The following SEC24B variants were observed in gnomAD, a reference collection of about 807,000 sequenced individuals.
The protein encoded by SEC24B is protein transport protein Sec24B.
A neutral mutation model predicts 142.8 loss-of-function variants in SEC24B; 45 were observed. That is an observed-to-expected ratio of 0.32 (90% CI 0.25 to 0.40). The LOEUF (loss-of-function observed/expected upper bound fraction) is 0.40. Ranked by LOEUF, SEC24B falls within the 10% of genes least tolerant of loss-of-function variation. The probability of loss-of-function intolerance (pLI) is 1.00; values close to 1 mark genes in which losing one functional copy is unlikely to be tolerated. For synonymous variants in SEC24B, 574 were observed against 568.2 expected, an observed-to-expected ratio of 1.01 and a Z score of -0.15; for missense variants, 1,409 against 1,526.8, an observed-to-expected ratio of 0.92 and a Z score of 1.29.
chr4:109,433,875 G>T lies in SEC24B; in HGVS notation c.6G>T (p.Ser2=). 7.5e-7 allele frequency: 1 copy of T among 1,334,340 alleles called. No individual in the cohort carries two copies. 82.7% of individuals were successfully genotyped at this position (1,334,340 alleles called of 1,614,324 possible). Residue 2 remains serine, a synonymous_variant, in exon 1 of 24, where the codon TCG becomes TCT. Transcript: ENST00000265175. M[S]APAGSSHPAA... ...CCGTCGCCACCAGCGCCGTCATGTC[G>T]GCCCCCGCCGGGTCCTCTCACCCGG...
At chr4:109,537,845 C>G (rs567188948) in intron 22 of SEC24B, among the ~76,000 whole-genome samples, 1 of 152,128 alleles carries the variant, frequency 6.6e-6, no homozygotes, top group East Asian at 1.9e-4. Flanking sequence ...CCAAACTTGT[C>G]TATTTAAATT....
Position 109,532,709 on chromosome 4 carries a change from C to T in SEC24B, c.3461C>T (p.Thr1154Ile). 1 of 1,609,388 alleles carries T rather than the reference C, an allele frequency of 6.2e-7. No homozygotes were observed. The highest frequency in any genetic ancestry group is 1.3e-5 in the African/African-American group (1 of 74,952). ...PLQKLSAEKL[T>I]REGAFLMDCG... Reference sequence around the variant, plus strand: ...CAAAAATTGTCTGCAGAGAAGCTGACAAGAGAAGGTGCTTTCCTTATGGAC... The same window carrying T: ...CAAAAATTGTCTGCAGAGAAGCTGATAAGAGAAGGTGCTTTCCTTATGGAC... The change falls in exon 21 of 24, where the codon ACA becomes ATA. Residue 1154 changes from threonine to isoleucine, a missense_variant. Thr to Ile is a moderately conservative substitution (Grantham distance 89, BLOSUM62 -1). Transcript: ENST00000265175.
In SEC24B at chr4:109,517,555, A is replaced by G. The variant is rs1723074633; in HGVS notation, c.2126+915A>G. 2.0e-5 allele frequency among the ~76,000 whole-genome samples: 3 copies of G among 152,182 alleles called. 1 individual carries two copies. In the South Asian group the frequency reaches 6.2e-4, roughly 32 times the overall value. ...TGATGACTATAGTTAATAGCAATAT[A>G]TTGTATTCTTGGAGAAATGCTAAGA... is the stretch of plus-strand genomic sequence containing the variant. On this transcript the variant is annotated intron_variant, in intron 11 of 23. Transcript: ENST00000265175.
intron 6 of SEC24B, among the ~76,000 whole-genome samples, chr4:109,496,827 A>C (rs1268235946): frequency 2.0e-5 from 3 of 152,200 alleles, no homozygotes; most frequent in Non-Finnish European, 1.5e-5. Flanking sequence ...CATGTGAAAC[A>C]ATTTTTAAGT....
In SEC24B at chr4:109,531,363, AC is replaced by A. The variant is rs148761245; in HGVS notation, c.3253-21del. 1.6e-3 allele frequency: 2,586 copies of A among 1,582,676 alleles called. 49 individuals are homozygous for A. The African/African-American group carries it at 0.031, about 19-fold the overall frequency. ...CACCATATTTGTATTTTACTTGAAA[AC>A]GTTTATCTTTTTCCTTGTAGAAAGC... is the stretch of plus-strand genomic sequence containing the variant. On this transcript the variant is annotated intron_variant, in intron 19 of 23. Transcript: ENST00000265175.
At chr4:109,536,453 T>C (rs1718305932) in intron 22 of SEC24B, among the ~76,000 whole-genome samples, 1 of 152,232 alleles carries the variant, frequency 6.6e-6, no homozygotes, top group African/African-American at 2.4e-5. Flanking sequence ...TCAAAATAAC[T>C]TTCAAATGGA....
intron 1 of SEC24B, among the ~76,000 whole-genome samples, chr4:109,438,485 T>TA (rs892858860): frequency 5.6e-4 from 85 of 151,686 alleles, no homozygotes; most frequent in Non-Finnish European, 1.0e-3. Context: ...AGCTAACTTT[T>TA]AAAAAAAAAT....
intron 11 of SEC24B, 35 bp from the exon 12 acceptor site, chr4:109,520,331 C>A: frequency 8.5e-7 from 1 of 1,172,004 alleles, no homozygotes; most frequent in Non-Finnish European, 1.3e-6. Context: ...TGTTACTGAG[C>A]ACTCTGAATT....
Position 109,441,796 on chromosome 4 carries a change from A to G in SEC24B, c.133+7794A>G, listed in dbSNP as rs1050867006. On this transcript the variant is annotated intron_variant, in intron 1 of 23. Transcript: ENST00000265175. ...ATTGATGTTGTAGCAGGAATAATCT[A>G]TACTTAATGCAGTGAGATTTAATCC... Among the ~76,000 whole-genome samples the G allele has an allele frequency of 7.2e-5, 11 of 152,248 alleles. No homozygotes were observed. In the East Asian group the frequency reaches 9.6e-4, roughly 13 times the overall value.
intron 22 of SEC24B, among the ~76,000 whole-genome samples, chr4:109,535,437 T>G (rs770877780): frequency 2.0e-5 from 3 of 151,778 alleles, no homozygotes; most frequent in Non-Finnish European, 4.4e-5. Flanking sequence ...GTGCCAGTAG[T>G]CCCAGCTACT....
At chr4:109,477,140 T>TG (rs1733254755) in intron 3 of SEC24B, among the ~76,000 whole-genome samples, 1 of 55,882 alleles carries the variant, frequency 1.8e-5, no homozygotes, top group African/African-American at 4.5e-5. Flanking sequence ...CCGTCTCAAA[T>TG]AAAAAAAAAA....
chr4:109,532,618 A>G, intron 20 of SEC24B, 21 bp from the exon 21 acceptor site: 5 of 1,584,934 alleles, frequency 3.2e-6, no homozygotes, highest in Non-Finnish European at 3.5e-6. Flanking sequence ...TCTCATTCAC[A>G]TTCTCTCTTT....
intron 18 of SEC24B, among the ~76,000 whole-genome samples, chr4:109,528,563 G>C (rs965605178): frequency 6.6e-6 from 1 of 152,098 alleles, no homozygotes; most frequent in Non-Finnish European, 1.5e-5. Flanking sequence ...CAAGTATAGG[G>C]GGATAATTTT....
chr4:109,439,650 C>T (rs113604433), intron 1 of SEC24B, among the ~76,000 whole-genome samples: 51 of 149,828 alleles, frequency 3.4e-4, no homozygotes, highest in African/African-American at 1.2e-3. Flanking sequence ...TACAGGCATG[C>T]GCCACCATGC....
At chr4:109,521,335 A>T in intron 13 of SEC24B, 85 bp from the exon 14 acceptor site, 1 of 1,203,864 alleles carries the variant, frequency 8.3e-7, no homozygotes, top group Non-Finnish European at 1.2e-6. Context: ...AAATACAGTG[A>T]CACATGATAC....
At chr4:109,506,088 G>T (rs955251480) in intron 6 of SEC24B, among the ~76,000 whole-genome samples, 1 of 152,112 alleles carries the variant, frequency 6.6e-6, no homozygotes. Context: ...AATTGCTCAT[G>T]TTGAAAAGCA....
intron 2 of SEC24B, among the ~76,000 whole-genome samples, chr4:109,469,694 C>T (rs1274999990): frequency 3.9e-5 from 6 of 152,124 alleles, no homozygotes; most frequent in African/African-American, 1.4e-4. Context: ...AACTTTAAAA[C>T]TTCTCAGAGA....
chr4:109,482,740 G>A (rs1037828363), intron 4 of SEC24B, among the ~76,000 whole-genome samples: 23 of 149,274 alleles, frequency 1.5e-4, no homozygotes, highest in African/African-American at 5.7e-4. Context: ...CCAGGCTCAA[G>A]CCATCCTCCT....
intron 15 of SEC24B, 98 bp from the exon 16 acceptor site, chr4:109,525,248 T>C (rs2126081294): frequency 9.6e-7 from 1 of 1,042,036 alleles, no homozygotes; most frequent in African/African-American, 1.6e-5. Flanking sequence ...GGTTTTCTCA[T>C]GACTTAGATT....
Sources: allele counts gnomAD v4.1 joint callset (sites outside exome capture counted in the v4.1 genomes callset), GRCh38; gene constraint gnomAD v4.1.1; transcripts MANE v1.5; gene names NCBI Gene and HGNC (gene_info 2026-07-23, HGNC 2026-07-21).